Variants in THEM4 observed in about 807,000 individuals in gnomAD.
THEM4 encodes thioesterase superfamily member 4.
THEM4 carries 22 observed loss-of-function variants against 25.0 expected under a neutral mutation model. The observed-to-expected ratio is 0.88, with a 90% CI of 0.63 to 1.26. The LOEUF (loss-of-function observed/expected upper bound fraction) is 1.26, where lower values mean the gene tolerates loss of function less well. Among genes scored for constraint, THEM4 ranks in the 50% most tolerant of loss-of-function variants. THEM4 has a pLI of 0.00. For synonymous variants in THEM4, 113 were observed against 105.6 expected (o/e 1.07, Z -0.43); for missense variants, 286 against 300.3 (o/e 0.95, Z 0.35).
chr1:151,891,100 T>A (rs1333052505), intron 2 of THEM4: 1 of 152,212 alleles, frequency 6.6e-6, no homozygotes, highest in Non-Finnish European at 1.5e-5. Flanking sequence ...TCCTTTGTGA[T>A]GGTGAAAGAA....
chr1:151,897,978 C>A lies in THEM4; in HGVS notation c.100-2784G>T, dbSNP rs543774356. On this transcript the variant is annotated intron_variant, in intron 1 of 5. Transcript: ENST00000368814. ...CCAAGCAGCCCATACCTGCCTGGCA[C>A]CACAGGGATTCATCAGGAGGGTGGC... Among the ~76,000 whole-genome samples, 24 of 152,282 alleles carry A rather than the reference C, an allele frequency of 1.6e-4. No individual in the cohort carries two copies. In the South Asian group the frequency reaches 5.0e-3, roughly 32 times the overall value.
chr1:151,891,313 GA>G (rs1171333508), intron 2 of THEM4: 1 of 152,242 alleles, frequency 6.6e-6, no homozygotes, highest in Admixed American at 6.5e-5. Context: ...TTGAGTGGAA[GA>G]AGGGCTTTGA....
intron 2 of THEM4, among the ~76,000 whole-genome samples, chr1:151,893,379 A>G (rs577760631): frequency 2.8e-5 from 4 of 141,286 alleles, no homozygotes; most frequent in African/African-American, 1.1e-4. Flanking sequence ...CTCAAAACCA[A>G]AAACAAAAAA....
Position 151,882,426 on chromosome 1 carries a change from A to G in THEM4, c.558-5301T>C, listed in dbSNP as rs548285647. Among the ~76,000 whole-genome samples the G allele has an allele frequency of 2.6e-5, 4 of 152,168 alleles. No individual in the cohort carries two copies. In the South Asian group the frequency reaches 8.3e-4, roughly 32 times the overall value. ...ACATATTAAGCTGCTAGCTCTGAAT[A>G]CATTAACTGTGATCCTCAAAATATC... On this transcript the variant is annotated intron_variant, in intron 4 of 5. Transcript: ENST00000368814.
At chr1:151,883,066 A>T (rs1344848814) in intron 4 of THEM4, among the ~76,000 whole-genome samples, 2 of 151,220 alleles carry the variant, frequency 1.3e-5, no homozygotes, top group Non-Finnish European at 2.9e-5. Context: ...AGAGAGAGAG[A>T]GAGTGCAAGG....
rs562361125 is a variant in THEM4 at position 151,893,593 on chromosome 1, C to T, written c.286+1415G>A. On this transcript the variant is annotated intron_variant, in intron 2 of 5. Coordinates refer to ENST00000368814, the MANE Select transcript of THEM4 (RefSeq NM_053055.5). Reference sequence around the variant, plus strand: ...TCCCTAAGAGTGTGGATGGTTCACTCACAGCAGGAAGAAGCAGAACATCAG... The same window carrying T: ...TCCCTAAGAGTGTGGATGGTTCACTTACAGCAGGAAGAAGCAGAACATCAG... Among the ~76,000 whole-genome samples, 9 of 152,082 alleles carry T rather than the reference C, an allele frequency of 5.9e-5. No homozygotes were observed. The South Asian group carries it at 1.9e-3, about 32-fold the overall frequency.
chr1:151,877,234 CAAT>C (rs2101715139), intron 4 of THEM4, 109 bp from the exon 5 acceptor site: 4 of 1,152,118 alleles, frequency 3.5e-6, no homozygotes, highest in East Asian at 2.5e-5. Flanking sequence ...CACCTGACAA[CAAT>C]GAGCACTGAC....
intron 4 of THEM4, among the ~76,000 whole-genome samples, chr1:151,879,268 C>T (rs1471873650): frequency 6.6e-6 from 1 of 152,136 alleles, no homozygotes; most frequent in East Asian, 1.9e-4. Context: ...CTCTCAATCA[C>T]TTCATGGGGT....
Position 151,885,082 on chromosome 1 carries a change from CTTTTATTTATTT to C in THEM4, c.557+3179_557+3190del, listed in dbSNP as rs1464687777. 5.3e-4 allele frequency among the ~76,000 whole-genome samples: 78 copies of C among 147,186 alleles called. 1 individual carries two copies. The highest frequency in any genetic ancestry group is 2.0e-3 in the African/African-American group (78 of 39,872). On this transcript the variant is annotated intron_variant, in intron 4 of 5. Coordinates refer to ENST00000368814, the MANE Select transcript of THEM4 (RefSeq NM_053055.5). The stretch of plus-strand genomic sequence containing the variant: ...TTGTTTTCTCTTTTTGTGATTTCAT[CTTTTATTTATTT>C]ATTTATTTATTTATTTATTTATTTA...
At chr1:151,875,540 G>A (rs1332197356) in intron 5 of THEM4, among the ~76,000 whole-genome samples, 1 of 152,028 alleles carries the variant, frequency 6.6e-6, no homozygotes, top group Non-Finnish European at 1.5e-5. Flanking sequence ...ACAAAAAATT[G>A]TTCTAATAGA....
At chr1:151,894,942 C>T (rs776479613) in intron 2 of THEM4, 66 bp downstream of exon 2, 2 of 1,529,974 alleles carry the variant, frequency 1.3e-6, no homozygotes, top group Non-Finnish European at 1.8e-6. Context: ...GTAACTAGTA[C>T]TTCAATCTGT....
intron 1 of THEM4, among the ~76,000 whole-genome samples, chr1:151,906,106 G>C (rs577695293): frequency 1.3e-5 from 2 of 152,268 alleles, no homozygotes; most frequent in African/African-American, 4.8e-5. Flanking sequence ...GGCCAGAGCC[G>C]GCTCCCTCAG....
intron 4 of THEM4, among the ~76,000 whole-genome samples, chr1:151,878,889 T>TACACACACACACACACACACAC (rs144026658): frequency 0.055 from 6,961 of 127,328 alleles, 521 homozygotes; most frequent in Non-Finnish European, 0.058. Flanking sequence ...TGTATATGTC[T>TACACACACACACACACACACAC]ATACACACAC....
intron 1 of THEM4, among the ~76,000 whole-genome samples, chr1:151,899,635 G>T (rs996204997): frequency 1.3e-5 from 2 of 152,080 alleles, no homozygotes; most frequent in African/African-American, 4.8e-5. Context: ...TATGAACAAA[G>T]CCTCCAAGAA....
At chr1:151,876,716 G>A (rs114656363) in intron 5 of THEM4, among the ~76,000 whole-genome samples, 1,553 of 152,090 alleles carry the variant, frequency 0.01, 34 homozygotes, top group African/African-American at 0.036. Flanking sequence ...ACCAAAGTGC[G>A]GGGACTACAG....
At chr1:151,893,383 C>CA (rs5777789) in intron 2 of THEM4, among the ~76,000 whole-genome samples, 6 of 139,488 alleles carry the variant, frequency 4.3e-5, no homozygotes, top group East Asian at 2.1e-4. Flanking sequence ...AAACCAAAAA[C>CA]AAAAAAAACA....
At chr1:151,906,643 G>A (rs985499658) in intron 1 of THEM4, among the ~76,000 whole-genome samples, 2 of 152,222 alleles carry the variant, frequency 1.3e-5, no homozygotes, top group Admixed American at 6.5e-5. Flanking sequence ...CTAGCTAAAG[G>A]ACTGTAAATA....
At chr1:151,888,432 T>TA (rs2101722463) in intron 3 of THEM4, 49 bp from the exon 4 acceptor site, 2 of 1,411,628 alleles carry the variant, frequency 1.4e-6, no homozygotes, top group Admixed American at 3.9e-5. Context: ...GTTCTGAAGA[T>TA]AGAGAGCCTC....
rs1020293987 is a variant in THEM4, at chr1:151,874,828, T to C, written c.*60A>G. 16 of 1,520,070 alleles carry C rather than the reference T, an allele frequency of 1.1e-5. No homozygotes were observed. The highest frequency in any genetic ancestry group is 4.5e-5 in the South Asian group (4 of 89,032). The allele number at this position is 1,520,070 out of a possible 1,614,324, so 94.2% of individuals were successfully genotyped here. ...ATTCAGCAGTGAGGGAGCAGAGTAT[T>C]TGGGGGACAACTGCTTCTTCTGGAG... On this transcript the variant is annotated 3_prime_UTR_variant, in exon 6 of 6. Transcript: ENST00000368814.
Sources: allele counts gnomAD v4.1 joint callset (sites outside exome capture counted in the v4.1 genomes callset), GRCh38; gene constraint gnomAD v4.1.1; transcripts MANE v1.5; gene names NCBI Gene and HGNC (gene_info 2026-07-23, HGNC 2026-07-21).